Variants in ARRDC4 observed in about 807,000 individuals in gnomAD.
ARRDC4 encodes arrestin domain containing 4.
Under a neutral mutation model 44.6 loss-of-function variants are expected in ARRDC4, and 40 were observed. That is an observed-to-expected ratio of 0.90 (90% CI 0.70 to 1.17). ARRDC4 has a LOEUF of 1.17. Ranked by LOEUF, ARRDC4 falls within the 50% of genes most tolerant of loss-of-function variation. The pLI is 0.00. For missense variants in ARRDC4, 550 were observed against 559.1 expected, an observed-to-expected ratio of 0.98 and a Z score of 0.16; for synonymous variants, 211 against 221.2, an observed-to-expected ratio of 0.95 and a Z score of 0.41.
intron 1 of ARRDC4, among the ~76,000 whole-genome samples, chr15:97,962,155 A>G (rs1212588111): frequency 2.0e-5 from 3 of 152,182 alleles, no homozygotes; most frequent in Admixed American, 6.5e-5. Context: ...CATTATATCT[A>G]TGTGCTATGT....
Position 97,961,184 on chromosome 15 carries a change from C to T in ARRDC4, c.307+16C>T. Reference sequence around the variant, plus strand: ...CCCCCGGCCGGTAAGCGCAGGCGAGCGCCTGGGGTTCCCCCGCCAGGCTGC... The same window carrying T: ...CCCCCGGCCGGTAAGCGCAGGCGAGTGCCTGGGGTTCCCCCGCCAGGCTGC... On this transcript the variant is annotated intron_variant, in intron 1 of 7. Transcript: ENST00000268042. 1 of 1,389,992 alleles carries T rather than the reference C, an allele frequency of 7.2e-7. No individual in the cohort carries two copies. The highest frequency in any genetic ancestry group is 9.2e-7 in the Non-Finnish European group (1 of 1,083,998). The allele number at this position is 1,389,992 out of a possible 1,614,324, so 86.1% of individuals were successfully genotyped here. A position where few individuals can be genotyped will look rare whatever the true frequency, so the allele number is the denominator to read the frequency against.
In ARRDC4 at chr15:97,970,227, C is replaced by T. The variant is rs1899486065; in HGVS notation, c.1045+182C>T. The stretch of plus-strand genomic sequence containing the variant: ...AGGGACTTTGAAAGTTTAGCTTTAT[C>T]TAGGACGCAAAGCTGCTGATAGCAG... On this transcript the variant is annotated intron_variant, in intron 6 of 7. Coordinates refer to ENST00000268042, the MANE Select transcript of ARRDC4 (RefSeq NM_183376.3). The surrounding 1 kb of genome is among the most constrained non-coding windows in gnomAD (Gnocchi z 4.2). Among the ~76,000 whole-genome samples the T allele has an allele frequency of 6.6e-6, 1 of 152,084 alleles. No individual in the cohort carries two copies.
In ARRDC4 at chr15:97,966,084, C is replaced by G; in HGVS notation, c.522+42C>G. On this transcript the variant is annotated intron_variant, in intron 3 of 7. Coordinates refer to ENST00000268042, the MANE Select transcript of ARRDC4 (RefSeq NM_183376.3). The surrounding 1 kb of genome is among the most constrained non-coding windows in gnomAD (Gnocchi z 4.7). ...TCTCTTCCTCCTCCTTTTCCTCCTT[C>G]CCTCCCTTCCTCCTTCCTTTCAACA... The G allele has an allele frequency of 2.5e-6, 4 of 1,598,998 alleles. No individual in the cohort carries two copies. Among genetic ancestry groups the G allele is most frequent in the Non-Finnish European group, 3.4e-6 (4 of 1,169,932 alleles).
rs1301135342 is a variant in ARRDC4 at position 97,960,887 on chromosome 15, C to T, written c.26C>T (p.Ala9Val). ...ATGGGCGGGGAGGCTGGGTGCGCGG[C>T]GGCCGTGGGTGCCGAGGGCCGCGTG... MGGEAGCA[A>V]AVGAEGRVKS... Residue 9 changes from alanine to valine, a missense_variant, in exon 1 of 8, where the codon GCG becomes GTG. Transcript: ENST00000268042. 3 of 1,393,348 alleles carry T rather than the reference C, an allele frequency of 2.2e-6. No individual in the cohort carries two copies. The highest frequency in any genetic ancestry group is 2.8e-6 in the Non-Finnish European group (3 of 1,064,736). 86.3% of individuals were successfully genotyped at this position (1,393,348 alleles called of 1,614,324 possible).
rs1315374833 is a variant in ARRDC4 at position 97,960,811 on chromosome 15, C to T, written c.-51C>T. The T allele has an allele frequency of 1.0e-5, 13 of 1,258,452 alleles. No individual in the cohort carries two copies. In the South Asian group the frequency reaches 1.5e-4, roughly 15 times the overall value. The allele number at this position is 1,258,452 out of a possible 1,614,324, so 78.0% of individuals were successfully genotyped here. A position where few individuals can be genotyped will look rare whatever the true frequency, so the allele number is the denominator to read the frequency against. ...AGCGGCGCCGCTGTGCTCGCGACCC[C>T]GGCTCCGGGCCTCTGCCGACCTCAG... On this transcript the variant is annotated 5_prime_UTR_variant, in exon 1 of 8. Coordinates refer to ENST00000268042, the MANE Select transcript of ARRDC4 (RefSeq NM_183376.3).
chr15:97,965,836 T>C lies in ARRDC4; in HGVS notation c.375-59T>C. 2 of 1,584,010 alleles carry C rather than the reference T, an allele frequency of 1.3e-6. No homozygotes were observed. The highest frequency in any genetic ancestry group is 1.7e-6 in the Non-Finnish European group (2 of 1,161,142). ...ACCTAAAACATTTTAAACCATGCTT[T>C]TTTTGGCTTTGTTTAACTGAAAAGT... is the stretch of plus-strand genomic sequence containing the variant. On this transcript the variant is annotated intron_variant, in intron 2 of 7. Transcript: ENST00000268042. This position sits in a 1 kb window ranked among gnomAD's most constrained non-coding sequence, Gnocchi z 5.1.
At position 97,965,729 on chromosome 15, in the gene ARRDC4, A is replaced by C; in HGVS notation, c.374+63A>C. On this transcript the variant is annotated intron_variant, in intron 2 of 7. Transcript: ENST00000268042. The surrounding 1 kb of genome is among the most constrained non-coding windows in gnomAD (Gnocchi z 5.1). ...TGCAGTATGTCCATTCAAGTTTATCACTGCTAGGTCTCTTCTGATTCTCAA... is the reference window on the plus strand; with the variant it reads ...TGCAGTATGTCCATTCAAGTTTATCCCTGCTAGGTCTCTTCTGATTCTCAA... The C allele has an allele frequency of 6.6e-7, 1 of 1,518,986 alleles. No individual in the cohort carries two copies. The highest frequency in any genetic ancestry group is 1.1e-5 in the South Asian group (1 of 89,020). 94.1% of individuals were successfully genotyped at this position (1,518,986 alleles called of 1,614,324 possible).
At position 97,969,110 on chromosome 15, in the gene ARRDC4, G is replaced by T. The variant is rs1320094172; in HGVS notation, c.626-13G>T. ...GAGTCTCTGAATCCTCCCTGGTTTT[G>T]TTTTCTTTTTAGGAGAAGCTATTCC... On this transcript the variant is annotated splice_polypyrimidine_tract_variant and intron_variant, in intron 4 of 7. Coordinates refer to ENST00000268042, the MANE Select transcript of ARRDC4 (RefSeq NM_183376.3). 6.2e-7 allele frequency: 1 copy of T among 1,608,470 alleles called. No homozygotes were observed. The highest frequency in any genetic ancestry group is 8.5e-7 in the Non-Finnish European group (1 of 1,175,940).
In ARRDC4 at chr15:97,972,675, C is replaced by T. The variant is rs1177296684; in HGVS notation, c.*1488C>T. ...TTTCTTCATGTCCTAAGGGTTTGAT[C>T]CAGAAACCCTGGTGCTTCCCCTGCA... On this transcript the variant is annotated 3_prime_UTR_variant, in exon 8 of 8. Coordinates refer to ENST00000268042, the MANE Select transcript of ARRDC4 (RefSeq NM_183376.3). The surrounding 1 kb of genome is among the most constrained non-coding windows in gnomAD (Gnocchi z 5.3). The T allele has an allele frequency of 6.6e-6, 1 of 152,568 alleles. No individual in the cohort carries two copies. The highest frequency in any genetic ancestry group is 1.5e-5 in the Non-Finnish European group (1 of 68,034). 9.5% of individuals were successfully genotyped at this position (152,568 alleles called of 1,614,324 possible).
rs779994238 is a variant in ARRDC4 at position 97,970,677 on chromosome 15, A to C, written c.1134A>C (p.Glu378Asp). 6.8e-6 allele frequency: 11 copies of C among 1,613,610 alleles called. No homozygotes were observed. In the South Asian group the frequency reaches 1.2e-4, roughly 18 times the overall value. Residue 378 changes from glutamate to aspartate, a missense_variant, in exon 7 of 8, where the codon GAA becomes GAC. Glu to Asp is a conservative substitution (Grantham distance 45, BLOSUM62 2). Coordinates refer to ENST00000268042, the MANE Select transcript of ARRDC4 (RefSeq NM_183376.3). The surrounding 1 kb of genome is among the most constrained non-coding windows in gnomAD (Gnocchi z 4.2). ...CTCAACCCCCTAACTGTGAGGGAGAAGTGTGCTGTCCTGTGTTTGCCTGTA... is the reference window on the plus strand; with the variant it reads ...CTCAACCCCCTAACTGTGAGGGAGACGTGTGCTGTCCTGTGTTTGCCTGTA... Reference protein sequence around the residue: ...PYPQPPNCEGEVCCPVFACIQ... With the variant: ...PYPQPPNCEGDVCCPVFACIQ...
chr15:97,967,788 T>G lies in ARRDC4; in HGVS notation c.523-226T>G, dbSNP rs1899442626. 6.6e-6 allele frequency among the ~76,000 whole-genome samples: 1 copy of G among 152,170 alleles called. No individual in the cohort carries two copies. The highest frequency in any genetic ancestry group is 2.4e-5 in the African/African-American group (1 of 41,450). On this transcript the variant is annotated intron_variant, in intron 3 of 7. Transcript: ENST00000268042. The surrounding 1 kb of genome is among the most constrained non-coding windows in gnomAD (Gnocchi z 5.0). Reference sequence around the variant, plus strand: ...AGGGTAAAATAAGATGGTGTCATGCTAATTTTTGAATCTGAAAATTCACTG... The same window carrying G: ...AGGGTAAAATAAGATGGTGTCATGCGAATTTTTGAATCTGAAAATTCACTG...
At position 97,967,996 on chromosome 15, in the gene ARRDC4, T is replaced by C; in HGVS notation, c.523-18T>C. ...GAGTGGCTTAATTAAGGTTGTTTTA[T>C]TGTTTGAAATTTTCAAGACCCCTGT... On this transcript the variant is annotated intron_variant, in intron 3 of 7. Coordinates refer to ENST00000268042, the MANE Select transcript of ARRDC4 (RefSeq NM_183376.3). This position sits in a 1 kb window ranked among gnomAD's most constrained non-coding sequence, Gnocchi z 5.0. 1 of 1,537,326 alleles carries C rather than the reference T, an allele frequency of 6.5e-7. No individual in the cohort carries two copies. The highest frequency in any genetic ancestry group is 1.2e-5 in the South Asian group (1 of 84,594).
rs200629595 is a variant in ARRDC4, at chr15:97,967,713, AT to A, written c.523-292del. ...TTTATAAGTCCTAATACAGCTTTTG[AT>A]TTTTTTTTAAAAAAATGGTATATTA... On this transcript the variant is annotated intron_variant, in intron 3 of 7. Transcript: ENST00000268042. The surrounding 1 kb of genome is among the most constrained non-coding windows in gnomAD (Gnocchi z 5.0). Among the ~76,000 whole-genome samples the A allele has an allele frequency of 6.7e-3, 1,012 of 151,414 alleles. 16 individuals are homozygous for A. The highest frequency in any genetic ancestry group is 0.023 in the African/African-American group (967 of 41,304).
rs940208207 is a variant in ARRDC4, at chr15:97,968,102, A to G, written c.611A>G (p.Lys204Arg). 1 of 1,600,160 alleles carries G rather than the reference A, an allele frequency of 6.2e-7. No homozygotes were observed. Among genetic ancestry groups the G allele is most frequent in the African/African-American group, 1.3e-5 (1 of 74,404 alleles). ...PVSLSAKIER[K>R]GYCNGEAIPI... ...TCGCTGAGTGCCAAAATTGAAAGAA[A>G]GGGATACTGTAATGGTAAGCAAAAT... is the stretch of plus-strand genomic sequence containing the variant. Residue 204 changes from lysine (K) to arginine (R), a missense_variant, in exon 4 of 8, where the codon AAG (lysine) becomes AGG (arginine). Physicochemically the swap from Lys to Arg is conservative, Grantham distance 26. Transcript: ENST00000268042. This position sits in a 1 kb window ranked among gnomAD's most constrained non-coding sequence, Gnocchi z 5.4.
Position 97,970,492 on chromosome 15 carries a change from T to A in ARRDC4, c.1046-97T>A, listed in dbSNP as rs1899490423. ...TAGAGGGAAAGAATGCCATATTTTT[T>A]ATCTTCAAGTTTAGCTGTTTCTTGT... On this transcript the variant is annotated intron_variant, in intron 6 of 7. Coordinates refer to ENST00000268042, the MANE Select transcript of ARRDC4 (RefSeq NM_183376.3). This position sits in a 1 kb window ranked among gnomAD's most constrained non-coding sequence, Gnocchi z 4.2. 7.8e-7 allele frequency: 1 copy of A among 1,288,252 alleles called. No homozygotes were observed. The allele number at this position is 1,288,252 out of a possible 1,614,324, so 79.8% of individuals were successfully genotyped here.
Position 97,965,961 on chromosome 15 carries a change from AC to A in ARRDC4, c.442del (p.Arg148AspfsTer9), listed in dbSNP as rs748597087. 1.2e-6 allele frequency: 2 copies of A among 1,614,144 alleles called. No homozygotes were observed. The highest frequency in any genetic ancestry group is 3.3e-5 in the Admixed American group (2 of 60,018). On this transcript the variant is annotated frameshift_variant, in exon 3 of 8. Transcript: ENST00000268042. LOFTEE classifies it high-confidence loss of function. This position sits in a 1 kb window ranked among gnomAD's most constrained non-coding sequence, Gnocchi z 5.1. ...AGTACTGTGTGCGGGCAGTGTTGGA[AC>A]GACCCAAGGTACCTGATCAGAGTGT... ...IQYCVRAVLE[R>X]PKVPDQSVKR...
In ARRDC4 at chr15:97,970,817, A is replaced by G; in HGVS notation, c.1200+74A>G. 6.7e-7 allele frequency: 1 copy of G among 1,487,016 alleles called. No homozygotes were observed. Among genetic ancestry groups the G allele is most frequent in the South Asian group, 1.2e-5 (1 of 83,052 alleles). 92.1% of individuals were successfully genotyped at this position (1,487,016 alleles called of 1,614,324 possible). ...AATCATTTTTTGTCATCCGTTCATT[A>G]GAGTGTCTGTTGCTGACTCATAATT... On this transcript the variant is annotated intron_variant, in intron 7 of 7. Transcript: ENST00000268042. The surrounding 1 kb of genome is among the most constrained non-coding windows in gnomAD (Gnocchi z 4.2).
At chr15:97,961,358 C>A (rs1899315620) in intron 1 of ARRDC4, among the ~76,000 whole-genome samples, 190 bp downstream of exon 1, 1 of 152,188 alleles carries the variant, frequency 6.6e-6, no homozygotes, top group African/African-American at 2.4e-5. Context: ...TCCTGGCGCC[C>A]CGCCCCTGGC....
chr15:97,961,742 C>T (rs577762311), intron 1 of ARRDC4, among the ~76,000 whole-genome samples: 2 of 152,238 alleles, frequency 1.3e-5, no homozygotes, highest in East Asian at 1.9e-4. Flanking sequence ...AAGAGTTGTA[C>T]CTCTACCTGA....
Sources: gnomAD v4.1 joint callset for allele counts (sites outside exome capture counted in the v4.1 genomes callset) on GRCh38, gnomAD v4.1.1 for gene constraint, Gnocchi (gnomAD v3.1) non-coding constraint, MANE v1.5 for transcripts, NCBI Gene and HGNC (gene_info 2026-07-23, HGNC 2026-07-21) for gene names.